Variants in STK32C observed in about 807,000 individuals in gnomAD.
STK32C encodes serine/threonine-protein kinase 32C.
Under a neutral mutation model 56.5 loss-of-function variants are expected in STK32C, and 31 were observed. The ratio of observed to expected loss-of-function variants is 0.55; its 90% CI spans 0.41 to 0.74. The LOEUF (loss-of-function observed/expected upper bound fraction) is 0.74, where lower values mean the gene tolerates loss of function less well. Among genes scored for constraint, STK32C ranks in the 30% least tolerant of loss-of-function variants. The pLI, the probability that STK32C is intolerant of heterozygous loss-of-function variation, is 0.00. For missense variants in STK32C, 544 were observed against 676.9 expected, an observed-to-expected ratio of 0.80 and a Z score of 2.18; for synonymous variants, 309 against 289.4, an observed-to-expected ratio of 1.07 and a Z score of -0.69.
intron 1 of STK32C, among the ~76,000 whole-genome samples, chr10:132,250,770 G>A (rs987992273): frequency 6.6e-6 from 1 of 152,222 alleles, no homozygotes; most frequent in Non-Finnish European, 1.5e-5. Flanking sequence ...GCTTTCCATC[G>A]GCAGCACGGA....
chr10:132,208,615 G>A (rs11146250), intron 11 of STK32C, among the ~76,000 whole-genome samples: 5,390 of 152,244 alleles, frequency 0.035, 322 homozygotes, highest in African/African-American at 0.12. Flanking sequence ...GGGCCCCACC[G>A]TGGCAGCTGC....
chr10:132,225,837 C>T (rs2062869930), intron 4 of STK32C, 53 bp from the exon 5 acceptor site: 2 of 1,609,770 alleles, frequency 1.2e-6, no homozygotes, highest in South Asian at 2.2e-5. Flanking sequence ...CTGTTTCTGC[C>T]CTGGAATCTC....
At chr10:132,256,722 G>C (rs2064137381) in intron 1 of STK32C, among the ~76,000 whole-genome samples, 2 of 151,984 alleles carry the variant, frequency 1.3e-5, no homozygotes, top group Admixed American at 1.3e-4. Context: ...GCAGGGCCCA[G>C]CACCCCAGGA....
chr10:132,223,000 T>C lies in STK32C; in HGVS notation c.994-14A>G, dbSNP rs1329189910. 4 of 1,546,294 alleles carry C rather than the reference T, an allele frequency of 2.6e-6. No homozygotes were observed. The highest frequency in any genetic ancestry group is 3.5e-6 in the Non-Finnish European group (4 of 1,150,722). On this transcript the variant is annotated splice_polypyrimidine_tract_variant and intron_variant, in intron 8 of 11. Coordinates refer to ENST00000298630, the MANE Select transcript of STK32C (RefSeq NM_173575.4). The stretch of plus-strand genomic sequence containing the variant: ...CACAGTGAGGAGCTGCAACCAGGCA[T>C]GAGTCAGAGGGTCCAGGGCCCACAG...
At chr10:132,237,716 G>A (rs2063344922) in intron 2 of STK32C, among the ~76,000 whole-genome samples, 1 of 152,204 alleles carries the variant, frequency 6.6e-6, no homozygotes, top group African/African-American at 2.4e-5. Flanking sequence ...CTTCCCCCAA[G>A]TGTGTGCCGG....
intron 1 of STK32C, among the ~76,000 whole-genome samples, chr10:132,280,800 G>A (rs1166462376): frequency 1.5e-5 from 2 of 130,032 alleles, no homozygotes; most frequent in Admixed American, 7.8e-5. Flanking sequence ...ACTGCACCCC[G>A]TGATCACACC....
intron 1 of STK32C, among the ~76,000 whole-genome samples, chr10:132,282,477 GCGCCCACC>G (rs2065245302): frequency 9.4e-6 from 1 of 106,268 alleles, no homozygotes; most frequent in African/African-American, 5.6e-5. Context: ...ACCTGTACCT[GCGCCCACC>G]TGTGCCTGCG....
chr10:132,267,416 G>A (rs2064581870), intron 1 of STK32C, among the ~76,000 whole-genome samples: 1 of 152,238 alleles, frequency 6.6e-6, no homozygotes, highest in African/African-American at 2.4e-5. Context: ...TGTTTCTGGG[G>A]CTACAGTTCT....
At chr10:132,296,282 G>A (rs770894860) in intron 1 of STK32C, among the ~76,000 whole-genome samples, 15 of 151,950 alleles carry the variant, frequency 9.9e-5, no homozygotes, top group Non-Finnish European at 1.3e-4. Flanking sequence ...TAAGGCGCCA[G>A]GAGACTCATG....
At chr10:132,263,211 T>C (rs1186675686) in intron 1 of STK32C, among the ~76,000 whole-genome samples, 2 of 152,172 alleles carry the variant, frequency 1.3e-5, no homozygotes, top group African/African-American at 4.8e-5. Flanking sequence ...CACGGTGGAC[T>C]GGATAAAGAA....
At chr10:132,282,120 A>G (rs1408620743) in intron 1 of STK32C, among the ~76,000 whole-genome samples, 3 of 152,198 alleles carry the variant, frequency 2.0e-5, no homozygotes, top group East Asian at 3.8e-4. Context: ...GAGGCGCTAC[A>G]TTGTGTAACA....
intron 2 of STK32C, among the ~76,000 whole-genome samples, chr10:132,233,139 T>C (rs1319502282): frequency 6.6e-6 from 1 of 152,052 alleles, no homozygotes; most frequent in East Asian, 1.9e-4. Flanking sequence ...CAGGGTTCAG[T>C]GCTGGGTACC....
chr10:132,250,089 G>C (rs1044169617), intron 1 of STK32C, among the ~76,000 whole-genome samples: 1 of 152,238 alleles, frequency 6.6e-6, no homozygotes, highest in African/African-American at 2.4e-5. Flanking sequence ...CGGTGTCTAC[G>C]GAGTCCATCA....
chr10:132,328,281 G>C (rs1010938187), intron 1 of STK32C, among the ~76,000 whole-genome samples: 2 of 152,092 alleles, frequency 1.3e-5, no homozygotes, highest in Non-Finnish European at 2.9e-5. Flanking sequence ...GGGTCGAAGT[G>C]AGGTTTCCTT....
intron 1 of STK32C, among the ~76,000 whole-genome samples, chr10:132,328,972 C>T (rs1031992362): frequency 1.3e-5 from 2 of 152,356 alleles, no homozygotes; most frequent in South Asian, 4.1e-4. Flanking sequence ...GGAAACAGAA[C>T]ATAAGCCCCC....
chr10:132,212,574 G>C (rs1174155506), intron 10 of STK32C, among the ~76,000 whole-genome samples: 1 of 152,204 alleles, frequency 6.6e-6, no homozygotes, highest in Non-Finnish European at 1.5e-5. Flanking sequence ...ACAACGTCAA[G>C]GTCCAAGACT....
Position 132,307,605 on chromosome 10 carries a change from C to A in STK32C, c.229G>T (p.Ala77Ser). The change falls in exon 1 of 12, where the codon GCG becomes TCG. Residue 77 changes from alanine (A) to serine (S), a missense_variant. Transcript: ENST00000298630. This position sits in a 1 kb window ranked among gnomAD's most constrained non-coding sequence, Gnocchi z 4.4. ...TTGTCGTCAAACACCGGCCTCCGCG[C>A]GGTGGCCGCCGACATGGACGAGCCC... ...RMGSSMSAATARRPVFDDKED... is the reference protein window; with the variant it reads ...RMGSSMSAATSRRPVFDDKED... 1 of 1,436,456 alleles carries A rather than the reference C, an allele frequency of 7.0e-7. No individual in the cohort carries two copies. Among genetic ancestry groups the A allele is most frequent in the Non-Finnish European group, 9.3e-7 (1 of 1,078,092 alleles). The allele number at this position is 1,436,456 out of a possible 1,614,324, so 89.0% of individuals were successfully genotyped here.
At chr10:132,239,558 T>C (rs1021734403) in intron 2 of STK32C, among the ~76,000 whole-genome samples, 1 of 152,250 alleles carries the variant, frequency 6.6e-6, no homozygotes, top group African/African-American at 2.4e-5. Context: ...CCTGCTGCCC[T>C]GAGCGGGGTG....
intron 1 of STK32C, among the ~76,000 whole-genome samples, chr10:132,301,680 G>A (rs568383284): frequency 2.2e-4 from 33 of 152,364 alleles, no homozygotes; most frequent in Admixed American, 1.3e-3. Context: ...CTACTGGGCC[G>A]GGTGAAAATG....
Sources: allele counts gnomAD v4.1 joint callset (sites outside exome capture counted in the v4.1 genomes callset), GRCh38; gene constraint gnomAD v4.1.1; non-coding constraint Gnocchi (gnomAD v3.1); transcripts MANE v1.5; gene names NCBI Gene and HGNC (gene_info 2026-07-23, HGNC 2026-07-21).